Variants in CFAP74 observed in about 807,000 individuals in gnomAD.
The protein encoded by CFAP74 is cilia- and flagella-associated protein 74.
In CFAP74, 124 loss-of-function variants were observed where a neutral mutation model predicts 188.9. That is an observed-to-expected ratio of 0.66 (90% confidence interval 0.57 to 0.76). CFAP74 has a LOEUF of 0.76. Ranked by LOEUF, CFAP74 falls within the 30% of genes least tolerant of loss-of-function variation. The pLI is 0.00. For missense variants in CFAP74, 2,198 were observed against 2,165.2 expected, an observed-to-expected ratio of 1.02 and a Z score of -0.30; for synonymous variants, 956 against 916.7, an observed-to-expected ratio of 1.04 and a Z score of -0.77.
In CFAP74 at chr1:1,942,232, A is replaced by T; in HGVS notation, c.2487-76T>A. The stretch of plus-strand genomic sequence containing the variant: ...TGTGCGCTCAATGCCTGGAGTTATT[A>T]AAACATTTCTGGCACCCAAGCCCCC... On this transcript the variant is annotated intron_variant, in intron 21 of 38. Transcript: ENST00000682832. The surrounding 1 kb of genome is among the most constrained non-coding windows in gnomAD (Gnocchi z 4.3). The T allele has an allele frequency of 1.5e-6, 2 of 1,345,758 alleles. No individual in the cohort carries two copies. Among genetic ancestry groups the T allele is most frequent in the Non-Finnish European group, 1.9e-6 (2 of 1,043,688 alleles). The allele number at this position is 1,345,758 out of a possible 1,614,324, so 83.4% of individuals were successfully genotyped here.
At chr1:1,938,142 C>T (rs1653048755) in intron 25 of CFAP74, among the ~76,000 whole-genome samples, 2 of 150,616 alleles carry the variant, frequency 1.3e-5, no homozygotes, top group South Asian at 4.2e-4. Flanking sequence ...CATGCTCACA[C>T]ATACATGCAC....
intron 25 of CFAP74, among the ~76,000 whole-genome samples, chr1:1,935,473 T>C (rs1193829253): frequency 1.0e-5 from 1 of 95,320 alleles, no homozygotes; most frequent in Non-Finnish European, 2.2e-5. Context: ...CACAGGTGTG[T>C]GCGCGCTAGG....
chr1:1,928,103 C>T (rs917141575), intron 27 of CFAP74, among the ~76,000 whole-genome samples: 4 of 152,342 alleles, frequency 2.6e-5, no homozygotes, highest in South Asian at 4.1e-4. Context: ...GAACCCAGGC[C>T]GGGAAAGGCA....
At chr1:1,939,850 C>G in intron 23 of CFAP74, 83 bp from the exon 24 acceptor site, 1 of 1,334,312 alleles carries the variant, frequency 7.5e-7, no homozygotes, top group Non-Finnish European at 1.0e-6. Context: ...GCAACCACTG[C>G]TGCTGCCTTG....
intron 1 of CFAP74, among the ~76,000 whole-genome samples, chr1:1,991,543 C>T (rs975637665): frequency 6.6e-6 from 1 of 152,002 alleles, no homozygotes; most frequent in Non-Finnish European, 1.5e-5. Flanking sequence ...GCAGAGGTTG[C>T]AGTGAGCCGA....
chr1:1,944,793 G>C (rs1653638022), intron 20 of CFAP74, among the ~76,000 whole-genome samples: 1 of 152,062 alleles, frequency 6.6e-6, no homozygotes, highest in African/African-American at 2.4e-5. Flanking sequence ...TTTTAGTAGA[G>C]ATGGGGTTTT....
rs189496253 is a variant in CFAP74, at chr1:1,925,872, C to T, written c.4015G>A (p.Val1339Met). Residue 1339 changes from valine (V) to methionine (M), a missense_variant, in exon 33 of 39, where the codon GTG (valine) becomes ATG (methionine). Coordinates refer to ENST00000682832, the MANE Select transcript of CFAP74 (RefSeq NM_001304360.2). ...ATGGAGCACGTGATCATGGACGCCA[C>T]GCCAGTGCCCATGAGGGTGAGGGTG... ...TLTLTLMGTG[V>M]ASMITCSIEG... The T allele has an allele frequency of 1.4e-4, 226 of 1,612,698 alleles. 1 individual carries two copies. Among genetic ancestry groups the T allele is most frequent in the Admixed American group, 1.2e-3 (70 of 60,018 alleles).
intron 9 of CFAP74, 102 bp downstream of exon 9, chr1:1,971,877 TG>T (rs1032794062): frequency 1.1e-6 from 1 of 895,818 alleles, no homozygotes; most frequent in African/African-American, 1.6e-5. Context: ...GGGTCAGCCC[TG>T]GACGCCAGAG....
chr1:1,930,448 C>T, intron 25 of CFAP74, 112 bp from the exon 26 acceptor site: 1 of 1,070,134 alleles, frequency 9.3e-7, no homozygotes, highest in East Asian at 2.7e-5. Context: ...CTCACAGGGA[C>T]ATGCACGTTC....
intron 18 of CFAP74, chr1:1,954,956 G>A (rs1021633803): frequency 1.6e-5 from 19 of 1,191,430 alleles, no homozygotes; most frequent in Non-Finnish European, 1.6e-5. Flanking sequence ...TGCACTGGCA[G>A]AAGGACGGAT....
chr1:1,979,174 C>T (rs1415691659), intron 6 of CFAP74, among the ~76,000 whole-genome samples: 3 of 78,482 alleles, frequency 3.8e-5, no homozygotes, highest in Admixed American at 1.2e-4. Flanking sequence ...GACAAGGCTG[C>T]ACAGAACACG....
intron 4 of CFAP74, among the ~76,000 whole-genome samples, chr1:1,987,346 C>T (rs1003692337): frequency 2.0e-5 from 3 of 152,156 alleles, no homozygotes; most frequent in Admixed American, 1.3e-4. Flanking sequence ...GTGAAGGGCA[C>T]GTGGTGGGAG....
chr1:1,991,552 G>A (rs982577832), intron 1 of CFAP74, among the ~76,000 whole-genome samples: 2 of 152,074 alleles, frequency 1.3e-5, no homozygotes, highest in African/African-American at 2.4e-5. Context: ...GCAGTGAGCC[G>A]AGATAGTGCC....
intron 6 of CFAP74, among the ~76,000 whole-genome samples, chr1:1,977,893 G>A (rs974834543): frequency 2.6e-5 from 4 of 152,208 alleles, no homozygotes; most frequent in African/African-American, 9.6e-5. Context: ...AGGCTGGAGT[G>A]CAGTGGCGCA....
chr1:1,959,023 C>A, intron 16 of CFAP74, 97 bp downstream of exon 16: 1 of 820,258 alleles, frequency 1.2e-6, no homozygotes, highest in Non-Finnish European at 2.0e-6. Flanking sequence ...CTGGTCCCCC[C>A]GCCAACCTGC....
rs1442719501 is a variant in CFAP74, at chr1:1,975,418, T to C, written c.501-1220A>G. On this transcript the variant is annotated intron_variant, in intron 6 of 38. Coordinates refer to ENST00000682832, the MANE Select transcript of CFAP74 (RefSeq NM_001304360.2). The surrounding 1 kb of genome is among the most constrained non-coding windows in gnomAD (Gnocchi z 4.5). ...GGCAAGGGAGGTGTGTCTGCGTGTC[T>C]CACACGTGGCTGGATTTCAATGTTG... 1.3e-5 allele frequency among the ~76,000 whole-genome samples: 2 copies of C among 152,216 alleles called. No homozygotes were observed. The highest frequency in any genetic ancestry group is 6.5e-5 in the Admixed American group (1 of 15,276).
intron 18 of CFAP74, chr1:1,953,899 G>A (rs1392816403): frequency 1.3e-5 from 2 of 152,218 alleles, no homozygotes; most frequent in Admixed American, 1.3e-4. Flanking sequence ...ACGTCATAAA[G>A]GGAGAGGAAG....
At chr1:1,941,293 C>A (rs565849350) in intron 22 of CFAP74, among the ~76,000 whole-genome samples, 6 of 152,242 alleles carry the variant, frequency 3.9e-5, no homozygotes, top group Admixed American at 3.9e-4. Context: ...CCACCTCCCC[C>A]ACCAAGCTCC....
chr1:1,944,119 C>T (rs1425564479), intron 21 of CFAP74, among the ~76,000 whole-genome samples: 1 of 152,222 alleles, frequency 6.6e-6, no homozygotes, highest in Non-Finnish European at 1.5e-5. Flanking sequence ...CGTTCAGGGC[C>T]TGGACAGCAG....
Sources: gnomAD v4.1 joint callset for allele counts (sites outside exome capture counted in the v4.1 genomes callset) on GRCh38, gnomAD v4.1.1 for gene constraint, Gnocchi (gnomAD v3.1) non-coding constraint, MANE v1.5 for transcripts, NCBI Gene and HGNC (gene_info 2026-07-23, HGNC 2026-07-21) for gene names.